COL5A1: variants seen among roughly 807,000 people sequenced by gnomAD.
COL5A1 encodes collagen type V alpha 1 chain.
Under a neutral mutation model 263.7 loss-of-function variants are expected in COL5A1, and 16 were observed. The ratio of observed to expected loss-of-function variants is 0.06; its 90% CI spans 0.04 to 0.09. The LOEUF is 0.09. Among genes scored for constraint, COL5A1 ranks in the 10% least tolerant of loss-of-function variants. The probability of loss-of-function intolerance (pLI) is 1.00; values close to 1 mark genes in which losing one functional copy is unlikely to be tolerated. For synonymous variants in COL5A1, 1,012 were observed against 1,004.5 expected, an observed-to-expected ratio of 1.01 and a Z score of -0.14; for missense variants, 2,036 against 2,540.5, an observed-to-expected ratio of 0.80 and a Z score of 4.27.
At position 134,680,883 on chromosome 9, in the gene COL5A1, A is replaced by G. The variant is rs1370147961; in HGVS notation, c.110-10029A>G. ...GCTTTGGCGAAGTGGCAGTGAGCGC[A>G]GGGACAGGCTGGGAGTTTGGGCTCA... On this transcript the variant is annotated intron_variant, in intron 1 of 65. Coordinates refer to ENST00000371817, the MANE Select transcript of COL5A1 (RefSeq NM_000093.5). The surrounding 1 kb of genome is among the most constrained non-coding windows in gnomAD (Gnocchi z 5.9). Among the ~76,000 whole-genome samples, 1 of 152,166 alleles carries G rather than the reference A, an allele frequency of 6.6e-6. No homozygotes were observed. Among genetic ancestry groups the G allele is most frequent in the Admixed American group, 6.5e-5 (1 of 15,284 alleles).
chr9:134,649,620 T>G (rs1384971049), intron 1 of COL5A1: 2 of 437,808 alleles, frequency 4.6e-6, no homozygotes, highest in Non-Finnish European at 9.2e-6. Flanking sequence ...ATAAAAACAG[T>G]GTGGTGATTC....
At chr9:134,722,834 G>T (rs949678695) in intron 4 of COL5A1, among the ~76,000 whole-genome samples, 6 of 152,154 alleles carry the variant, frequency 3.9e-5, no homozygotes, top group African/African-American at 1.2e-4. Flanking sequence ...GAGAAAGAGG[G>T]AGAGGGAGGT....
intron 32 of COL5A1, among the ~76,000 whole-genome samples, chr9:134,792,818 CATGTGTGTGT>C (rs2132794923): frequency 8.3e-6 from 1 of 120,984 alleles, no homozygotes; most frequent in African/African-American, 3.0e-5. Context: ...CATGTGTGTG[CATGTGTGTGT>C]ATGCATGTGT....
Position 134,704,290 on chromosome 9 carries a change from C to T in COL5A1, c.654+2957C>T, listed in dbSNP as rs535752614. Among the ~76,000 whole-genome samples, 338 of 152,188 alleles carry T rather than the reference C, an allele frequency of 2.2e-3. 3 individuals carry two copies. The highest frequency in any genetic ancestry group is 4.1e-3 in the Admixed American group (62 of 15,296). ...TCTGTAAAATGACAATAATAGTACC[C>T]GCCGCAGTTTTGTGTGTGTGGGAGG... On this transcript the variant is annotated intron_variant, in intron 4 of 65. Coordinates refer to ENST00000371817, the MANE Select transcript of COL5A1 (RefSeq NM_000093.5).
In COL5A1 at chr9:134,766,934, C is replaced by T. The variant is rs578021940; in HGVS notation, c.2134-66C>T. The T allele has an allele frequency of 8.1e-5, 119 of 1,465,718 alleles. No individual in the cohort carries two copies. The Middle Eastern group carries it at 1.0e-3, about 13-fold the overall frequency. 90.8% of individuals were successfully genotyped at this position (1,465,718 alleles called of 1,614,324 possible). ...GATGGGAGGCCAGTGAGGGGGCACACGACACCCAGGAAGGGGATACAGTTC... is the reference window on the plus strand; with the variant it reads ...GATGGGAGGCCAGTGAGGGGGCACATGACACCCAGGAAGGGGATACAGTTC... On this transcript the variant is annotated intron_variant, in intron 22 of 65. Transcript: ENST00000371817.
chr9:134,748,364 C>T (rs1435100783), intron 11 of COL5A1, among the ~76,000 whole-genome samples: 2 of 152,026 alleles, frequency 1.3e-5, no homozygotes, highest in Non-Finnish European at 2.9e-5. Context: ...CATGCACATA[C>T]ATACACTTAC....
intron 3 of COL5A1, 74 bp from the exon 4 acceptor site, chr9:134,701,097 A>T (rs1564397028): frequency 7.9e-6 from 12 of 1,510,030 alleles, no homozygotes; most frequent in Non-Finnish European, 1.1e-5. Flanking sequence ...CTGTGTCTCG[A>T]GGAATTTGCA....
At position 134,825,805 on chromosome 9, in the gene COL5A1, C is replaced by A; in HGVS notation, c.4968C>A (p.Val1656=). ...HPDFPDGEYW[V]DPNQGCSRDS... ...TCTGAAATCCAGGTGAATACTGGGT[C>A]GATCCTAACCAAGGATGCTCCAGGG... Residue 1656 remains valine (V), a synonymous_variant, in exon 63 of 66, where the codon GTC becomes GTA. Coordinates refer to ENST00000371817, the MANE Select transcript of COL5A1 (RefSeq NM_000093.5). The A allele has an allele frequency of 2.5e-6, 4 of 1,611,486 alleles. No individual in the cohort carries two copies. The South Asian group carries it at 4.4e-5, about 18-fold the overall frequency.
intron 1 of COL5A1, among the ~76,000 whole-genome samples, chr9:134,670,568 G>C (rs1022584695): frequency 6.6e-6 from 1 of 152,132 alleles, no homozygotes; most frequent in Non-Finnish European, 1.5e-5. Context: ...CCTGTGGCAC[G>C]TCTTGGAGAC....
chr9:134,772,787 C>T lies in COL5A1; in HGVS notation c.2287-3C>T, dbSNP rs1564449335. 11 of 1,614,022 alleles carry T rather than the reference C, an allele frequency of 6.8e-6. No homozygotes were observed. The highest frequency in any genetic ancestry group is 9.3e-6 in the Non-Finnish European group (11 of 1,180,002). On this transcript the variant is annotated splice_polypyrimidine_tract_variant and splice_region_variant and intron_variant, in intron 25 of 65. Coordinates refer to ENST00000371817, the MANE Select transcript of COL5A1 (RefSeq NM_000093.5). ...CTAATCAATGCTTCTTCTTTTGTGACAGGGACACCCTGGCAAAGAAGGCCC... is the reference window on the plus strand; with the variant it reads ...CTAATCAATGCTTCTTCTTTTGTGATAGGGACACCCTGGCAAAGAAGGCCC...
intron 39 of COL5A1, among the ~76,000 whole-genome samples, chr9:134,804,713 C>T (rs1264311028): frequency 2.0e-5 from 3 of 152,170 alleles, no homozygotes; most frequent in African/African-American, 4.8e-5. Flanking sequence ...GAAAAGTGGC[C>T]AGGAGAAGCC....
In COL5A1 at chr9:134,841,417, G is replaced by A. The variant is rs550760320; in HGVS notation, c.5371-740G>A. Among the ~76,000 whole-genome samples, 1 of 152,232 alleles carries A rather than the reference G, an allele frequency of 6.6e-6. No individual in the cohort carries two copies. The highest frequency in any genetic ancestry group is 2.4e-5 in the African/African-American group (1 of 41,528). On this transcript the variant is annotated intron_variant, in intron 65 of 65. Transcript: ENST00000371817. The surrounding 1 kb of genome is among the most constrained non-coding windows in gnomAD (Gnocchi z 4.8). ...GCTGCCTGTGTTCTGGGAGGGAGGCGGCCTCTCCTAGGCTTCCATCCCACA... is the reference window on the plus strand; with the variant it reads ...GCTGCCTGTGTTCTGGGAGGGAGGCAGCCTCTCCTAGGCTTCCATCCCACA...
intron 29 of COL5A1, among the ~76,000 whole-genome samples, chr9:134,783,246 CCA>C (rs1300257027): frequency 1.3e-5 from 2 of 152,198 alleles, no homozygotes; most frequent in Non-Finnish European, 2.9e-5. Flanking sequence ...CCTGGGACTC[CCA>C]CACAGTCCTG....
intron 4 of COL5A1, among the ~76,000 whole-genome samples, chr9:134,720,930 G>A (rs567182036): frequency 5.9e-5 from 9 of 152,254 alleles, no homozygotes; most frequent in Admixed American, 2.0e-4. Flanking sequence ...TGTGAGGGGC[G>A]GCTCCAGGCC....
chr9:134,781,264 G>A (rs1312859918), intron 28 of COL5A1, among the ~76,000 whole-genome samples: 1 of 152,268 alleles, frequency 6.6e-6, no homozygotes, highest in Non-Finnish European at 1.5e-5. Flanking sequence ...CCTTGTGGGA[G>A]GACCGGCCAG....
At chr9:134,840,599 T>C (rs1380582318) in intron 65 of COL5A1, among the ~76,000 whole-genome samples, 1 of 152,204 alleles carries the variant, frequency 6.6e-6, no homozygotes, top group Non-Finnish European at 1.5e-5. Flanking sequence ...TGGCTCTAGC[T>C]CAGGGTCTGT....
intron 64 of COL5A1, among the ~76,000 whole-genome samples, 180 bp from the exon 65 acceptor site, chr9:134,834,791 G>A (rs751096356): frequency 6.6e-6 from 1 of 152,226 alleles, no homozygotes; most frequent in Admixed American, 6.5e-5. Context: ...CTTTGTTCCT[G>A]GGAACACGCA....
chr9:134,659,726 C>T (rs1832142111), intron 1 of COL5A1, among the ~76,000 whole-genome samples: 1 of 152,304 alleles, frequency 6.6e-6, no homozygotes, highest in South Asian at 2.1e-4. Flanking sequence ...ACTCAGCAGC[C>T]TCTTCCAAAG....
intron 64 of COL5A1, among the ~76,000 whole-genome samples, chr9:134,834,350 C>T (rs1839768031): frequency 6.6e-6 from 1 of 152,192 alleles, no homozygotes; most frequent in Non-Finnish European, 1.5e-5. Context: ...ACAAACCTGG[C>T]AGACCCAGAT....
Sources: gnomAD v4.1 joint callset for allele counts (sites outside exome capture counted in the v4.1 genomes callset) on GRCh38, gnomAD v4.1.1 for gene constraint, Gnocchi (gnomAD v3.1) non-coding constraint, MANE v1.5 for transcripts, NCBI Gene and HGNC (gene_info 2026-07-23, HGNC 2026-07-21) for gene names.